The following NCKAP1 variants were observed in gnomAD, a reference collection of about 807,000 sequenced individuals.
NCKAP1 encodes NCK associated protein 1.
A neutral mutation model predicts 151.2 loss-of-function variants in NCKAP1; 21 were observed. The ratio of observed to expected loss-of-function variants is 0.14; its 90% CI spans 0.10 to 0.20. The LOEUF is 0.20. Ranked by LOEUF, NCKAP1 falls within the 10% of genes least tolerant of loss-of-function variation. The pLI is 1.00. For synonymous variants in NCKAP1, 484 were observed against 451.8 expected, an observed-to-expected ratio of 1.07 and a Z score of -0.90; for missense variants, 933 against 1,352.1, an observed-to-expected ratio of 0.69 and a Z score of 4.86.
chr2:182,952,956 A>C (rs1434330580), intron 21 of NCKAP1, 33 bp from the exon 22 acceptor site: 1 of 1,589,788 alleles, frequency 6.3e-7, no homozygotes, highest in Non-Finnish European at 8.5e-7. Flanking sequence ...AACCGGAAGA[A>C]ACTGCTTAAT....
intron 2 of NCKAP1, among the ~76,000 whole-genome samples, chr2:183,009,979 C>T (rs1698561470): frequency 6.6e-6 from 1 of 152,174 alleles, no homozygotes; most frequent in African/African-American, 2.4e-5. Flanking sequence ...TCTAAAAAAT[C>T]TAATTCAACT....
intron 11 of NCKAP1, 28 bp from the exon 12 acceptor site, chr2:182,982,955 C>T (rs1170441884): frequency 6.6e-7 from 1 of 1,511,248 alleles, no homozygotes; most frequent in East Asian, 2.3e-5. Flanking sequence ...AGTGTTTATT[C>T]TTATTCAAAG....
chr2:182,956,363 T>A (rs1211065110), intron 20 of NCKAP1, 99 bp downstream of exon 20: 1 of 1,435,444 alleles, frequency 7.0e-7, no homozygotes, highest in South Asian at 1.3e-5. Flanking sequence ...TTAACACTAA[T>A]CCAGTTCTAC....
Position 182,954,806 on chromosome 2 carries a change from T to TAAAA in NCKAP1, c.2154-1476_2154-1475insTTTT, listed in dbSNP as rs780794616. Among the ~76,000 whole-genome samples the TAAAA allele has an allele frequency of 7.9e-5, 12 of 150,962 alleles. No homozygotes were observed. In the East Asian group the frequency reaches 1.7e-3, roughly 22 times the overall value. On this transcript the variant is annotated intron_variant, in intron 20 of 30. Coordinates refer to ENST00000361354, the MANE Select transcript of NCKAP1 (RefSeq NM_013436.5). Reference sequence around the variant, plus strand: ...GTCTCAAAATAAATAAATAAATAAATTAAATAAAATAAAAAATCTTTCCAA... The same window carrying TAAAA: ...GTCTCAAAATAAATAAATAAATAAATAAAATAAATAAAATAAAAAATCTTTCCAA...
chr2:183,023,714 A>T, intron 2 of NCKAP1, 92 bp downstream of exon 2: 1 of 943,874 alleles, frequency 1.1e-6, no homozygotes. Flanking sequence ...GTTAAAAATT[A>T]GGTAAATAAG....
At chr2:182,980,984 G>A (rs534319683) in intron 13 of NCKAP1, among the ~76,000 whole-genome samples, 5 of 152,200 alleles carry the variant, frequency 3.3e-5, no homozygotes, top group East Asian at 3.9e-4. Flanking sequence ...TTTGGTTAGC[G>A]TACACCTCCA....
At chr2:182,984,646 C>T (rs1014653918) in intron 10 of NCKAP1, among the ~76,000 whole-genome samples, 8 of 150,118 alleles carry the variant, frequency 5.3e-5, no homozygotes, top group Non-Finnish European at 1.0e-4. Flanking sequence ...CACAATCTTT[C>T]ATGATGCCTG....
At chr2:182,998,043 T>C (rs1308448506) in intron 6 of NCKAP1, among the ~76,000 whole-genome samples, 4 of 152,168 alleles carry the variant, frequency 2.6e-5, no homozygotes, top group Non-Finnish European at 4.4e-5. Flanking sequence ...TCAATAAATG[T>C]GATTAACCAC....
intron 2 of NCKAP1, among the ~76,000 whole-genome samples, chr2:183,019,964 C>A (rs1230174541): frequency 6.6e-6 from 1 of 152,044 alleles, no homozygotes; most frequent in East Asian, 1.9e-4. Flanking sequence ...AGTCCTGCTA[C>A]CTGTCAGCAG....
chr2:183,001,922 T>C (rs1015186433), intron 6 of NCKAP1, 31 bp downstream of exon 6: 2 of 1,564,830 alleles, frequency 1.3e-6, no homozygotes, highest in Admixed American at 1.7e-5. Flanking sequence ...TATATGCCCA[T>C]TCTCTCATAT....
rs1456029688 is a variant in NCKAP1 at position 182,910,270 on chromosome 2, C to T, written c.*15432G>A. ...AACCCTTGCCACCCCACTCAAGCTA[C>T]AGTTTTTGATTGAGTAGGAAAGCCA... On this transcript the variant is annotated 3_prime_UTR_variant, in exon 31 of 31. Transcript: ENST00000361354. 6.6e-6 allele frequency: 1 copy of T among 152,200 alleles called. No homozygotes were observed. The highest frequency in any genetic ancestry group is 1.5e-5 in the Non-Finnish European group (1 of 68,060). The allele number at this position is 152,200 out of a possible 1,614,324, so 9.4% of individuals were successfully genotyped here. A position where few individuals can be genotyped will look rare whatever the true frequency, so the allele number is the denominator to read the frequency against.
intron 15 of NCKAP1, among the ~76,000 whole-genome samples, chr2:182,972,303 A>T (rs1697716748): frequency 6.6e-6 from 1 of 152,008 alleles, no homozygotes; most frequent in Non-Finnish European, 1.5e-5. Context: ...AAAAGAAGAC[A>T]TACAGGTGGC....
intron 18 of NCKAP1, among the ~76,000 whole-genome samples, chr2:182,959,320 G>A (rs896537854): frequency 6.6e-6 from 1 of 152,080 alleles, no homozygotes; most frequent in South Asian, 2.1e-4. Context: ...AAGAGACAGA[G>A]CTACTAGAAA....
chr2:182,969,891 T>C (rs914301682), intron 15 of NCKAP1, among the ~76,000 whole-genome samples: 1 of 151,714 alleles, frequency 6.6e-6, no homozygotes, highest in African/African-American at 2.4e-5. Flanking sequence ...AATCTTTAGC[T>C]AAATTAAGAA....
At chr2:182,984,688 T>C (rs949660994) in intron 10 of NCKAP1, among the ~76,000 whole-genome samples, 2 of 152,198 alleles carry the variant, frequency 1.3e-5, no homozygotes. Flanking sequence ...TTAATTTCAA[T>C]GACAAGCTCT....
intron 6 of NCKAP1, among the ~76,000 whole-genome samples, chr2:182,997,951 C>G (rs1272493893): frequency 2.6e-5 from 4 of 152,176 alleles, no homozygotes; most frequent in Admixed American, 2.0e-4. Context: ...CAAACCACAT[C>G]CAGCAGGACA....
At chr2:182,961,732 A>T (rs1022543578) in intron 18 of NCKAP1, among the ~76,000 whole-genome samples, 44 of 151,992 alleles carry the variant, frequency 2.9e-4, no homozygotes, top group Admixed American at 7.2e-4. Context: ...AGTATAATAA[A>T]AAATAAATAA....
At position 182,957,600 on chromosome 2, in the gene NCKAP1, A is replaced by G. The variant is rs368702705; in HGVS notation, c.1882-4T>C. ...TGGCACAATGCTTGGGTAGCAACTAAATTTAGAAAAGAATGAAATCTTACA... is the reference window on the plus strand; with the variant it reads ...TGGCACAATGCTTGGGTAGCAACTAGATTTAGAAAAGAATGAAATCTTACA... On this transcript the variant is annotated splice_polypyrimidine_tract_variant and splice_region_variant and intron_variant, in intron 18 of 30. Coordinates refer to ENST00000361354, the MANE Select transcript of NCKAP1 (RefSeq NM_013436.5). 1 of 1,609,200 alleles carries G rather than the reference A, an allele frequency of 6.2e-7. No homozygotes were observed. Among genetic ancestry groups the G allele is most frequent in the Non-Finnish European group, 8.5e-7 (1 of 1,178,608 alleles).
At chr2:182,982,214 T>C (rs1697954605) in intron 12 of NCKAP1, among the ~76,000 whole-genome samples, 1 of 152,082 alleles carries the variant, frequency 6.6e-6, no homozygotes, top group Non-Finnish European at 1.5e-5. Flanking sequence ...AACAAAAACT[T>C]TATCACCACA....
Sources: allele counts gnomAD v4.1 joint callset (sites outside exome capture counted in the v4.1 genomes callset), GRCh38; gene constraint gnomAD v4.1.1; transcripts MANE v1.5; gene names NCBI Gene and HGNC (gene_info 2026-07-23, HGNC 2026-07-21).